The following SLC24A2 variants were observed in gnomAD, a reference collection of about 807,000 sequenced individuals.
The protein encoded by SLC24A2 is sodium/potassium/calcium exchanger 2.
In SLC24A2, 36 loss-of-function variants were observed where a neutral mutation model predicts 62.0. That is an observed-to-expected ratio of 0.58 (90% CI 0.44 to 0.77). The LOEUF is 0.77. Among genes scored for constraint, SLC24A2 ranks in the 30% least tolerant of loss-of-function variants. SLC24A2 has a pLI of 0.00. For missense variants in SLC24A2, 846 were observed against 817.9 expected, an observed-to-expected ratio of 1.03 and a Z score of -0.42; for synonymous variants, 358 against 294.0, an observed-to-expected ratio of 1.22 and a Z score of -2.23.
chr9:20,012,241 G>C, the SLC24A2 span, among the ~76,000 whole-genome samples: 1 of 152,188 alleles, frequency 6.6e-6, no homozygotes, highest in East Asian at 1.9e-4. Flanking sequence ...GTTCCAGGTG[G>C]CTGGGGAGGC....
At chr9:19,983,502 G>T in the SLC24A2 span, among the ~76,000 whole-genome samples, 2 of 152,106 alleles carry the variant, frequency 1.3e-5, no homozygotes, top group Non-Finnish European at 2.9e-5. Flanking sequence ...AATTACCCGG[G>T]CATGGTGGCA....
chr9:20,227,834 C>A, the SLC24A2 span, among the ~76,000 whole-genome samples: 1 of 152,118 alleles, frequency 6.6e-6, no homozygotes. Context: ...CAACAACTAC[C>A]AGTAATATTC....
At chr9:20,138,102 A>C in the SLC24A2 span, among the ~76,000 whole-genome samples, 1 of 152,132 alleles carries the variant, frequency 6.6e-6, no homozygotes, top group East Asian at 1.9e-4. Flanking sequence ...TAGAAAACCA[A>C]GGTAACTTTT....
chr9:19,716,150 T>A (rs932581538), intron 2 of SLC24A2, among the ~76,000 whole-genome samples: 1 of 152,146 alleles, frequency 6.6e-6, no homozygotes, highest in East Asian at 1.9e-4. Context: ...AGTCACTCTA[T>A]GTTTTCTTTC....
chr9:19,599,142 T>C lies in SLC24A2; in HGVS notation c.1079-1863A>G, dbSNP rs145984809. 1.5e-4 allele frequency among the ~76,000 whole-genome samples: 23 copies of C among 152,366 alleles called. No homozygotes were observed. The highest frequency in any genetic ancestry group is 1.0e-3 in the Admixed American group (16 of 15,306). ...TCAAATATCTGCTTGTGGCAGATGA[T>C]ATTACTCCTCACCTCATCTCTTGCA... On this transcript the variant is annotated intron_variant, in intron 4 of 10. Transcript: ENST00000341998. This position sits in a 1 kb window ranked among gnomAD's most constrained non-coding sequence, Gnocchi z 4.5.
At chr9:19,727,102 G>A (rs891742995) in intron 2 of SLC24A2, among the ~76,000 whole-genome samples, 53 of 152,078 alleles carry the variant, frequency 3.5e-4, no homozygotes, top group African/African-American at 1.2e-3. Flanking sequence ...TTATTTATCA[G>A]GAAAGAAAAG....
chr9:19,776,716 G>C (rs539675106), intron 2 of SLC24A2, among the ~76,000 whole-genome samples: 1 of 152,204 alleles, frequency 6.6e-6, no homozygotes, highest in African/African-American at 2.4e-5. Context: ...CTACATGTAA[G>C]TCAGTTAAGA....
chr9:20,147,210 G>A, the SLC24A2 span, among the ~76,000 whole-genome samples: 1 of 152,098 alleles, frequency 6.6e-6, no homozygotes, highest in Non-Finnish European at 1.5e-5. Flanking sequence ...GTATTGCCTG[G>A]AGAAAGGTTA....
chr9:19,925,716 T>A, the SLC24A2 span, among the ~76,000 whole-genome samples: 1 of 152,020 alleles, frequency 6.6e-6, no homozygotes, highest in African/African-American at 2.4e-5. Context: ...GGGAGTGGAG[T>A]CTAGACAAGG....
chr9:20,056,308 T>C, the SLC24A2 span, among the ~76,000 whole-genome samples: 7 of 152,156 alleles, frequency 4.6e-5, no homozygotes, highest in Non-Finnish European at 7.3e-5. Flanking sequence ...TAAATGACTA[T>C]ATTTTTCAGA....
intron 7 of SLC24A2, among the ~76,000 whole-genome samples, chr9:19,554,268 C>A (rs1834976741): frequency 6.6e-6 from 1 of 152,118 alleles, no homozygotes; most frequent in African/African-American, 2.4e-5. Context: ...CTTCTAGCGT[C>A]CAGAACTGTG....
At chr9:20,217,318 G>A in the SLC24A2 span, among the ~76,000 whole-genome samples, 2 of 152,192 alleles carry the variant, frequency 1.3e-5, no homozygotes, top group African/African-American at 4.8e-5. Context: ...CAGGGGATGA[G>A]TAGTGATCAG....
chr9:20,077,403 T>G, the SLC24A2 span, among the ~76,000 whole-genome samples: 1 of 152,212 alleles, frequency 6.6e-6, no homozygotes, highest in South Asian at 2.1e-4. Context: ...TTCATAAACC[T>G]CAAATATACA....
At chr9:19,687,432 G>A (rs983595423) in intron 2 of SLC24A2, among the ~76,000 whole-genome samples, 4 of 152,036 alleles carry the variant, frequency 2.6e-5, no homozygotes, top group Admixed American at 6.6e-5. Flanking sequence ...TGATAGACTC[G>A]AAGGTGAAAT....
chr9:19,619,534 G>T, intron 4 of SLC24A2, 50 bp downstream of exon 4: 1 of 1,368,050 alleles, frequency 7.3e-7, no homozygotes, highest in Non-Finnish European at 1.0e-6. Context: ...GAAGCCTTTT[G>T]GCATCCTTTT....
the SLC24A2 span, among the ~76,000 whole-genome samples, chr9:20,080,235 G>C: frequency 6.6e-6 from 1 of 152,172 alleles, no homozygotes; most frequent in Non-Finnish European, 1.5e-5. Flanking sequence ...TATACTACAA[G>C]GCTACAGTAA....
At chr9:20,238,099 A>G in the SLC24A2 span, among the ~76,000 whole-genome samples, 1 of 152,184 alleles carries the variant, frequency 6.6e-6, no homozygotes, top group African/African-American at 2.4e-5. Flanking sequence ...GGTCCAGCTG[A>G]GCCTCCACAG....
At position 19,786,273 on chromosome 9, in the gene SLC24A2, G is replaced by A. The variant is rs758224147; in HGVS notation, c.594C>T (p.Ile198=). The A allele has an allele frequency of 8.7e-6, 14 of 1,614,110 alleles. No individual in the cohort carries two copies. The highest frequency in any genetic ancestry group is 2.2e-5 in the South Asian group (2 of 91,076). Residue 198 remains isoleucine, a synonymous_variant, in exon 2 of 11, where the codon ATC becomes ATT. Transcript: ENST00000341998. The surrounding 1 kb of genome is among the most constrained non-coding windows in gnomAD (Gnocchi z 5.0). ...TGCCTATGCCAACGTTGCTGTGAGC[G>A]ATAAATACCCCTATGAGAGATGTGA... ...ELFTSLIGVF[I]AHSNVGIGTI...
At chr9:19,617,987 T>C (rs1157227016) in intron 4 of SLC24A2, among the ~76,000 whole-genome samples, 2 of 152,194 alleles carry the variant, frequency 1.3e-5, no homozygotes, top group Non-Finnish European at 2.9e-5. Context: ...GGGAGAGCAG[T>C]AGATACATTT....
Sources: gnomAD v4.1 joint callset for allele counts (sites outside exome capture counted in the v4.1 genomes callset) on GRCh38, gnomAD v4.1.1 for gene constraint, Gnocchi (gnomAD v3.1) non-coding constraint, MANE v1.5 for transcripts, NCBI Gene and HGNC (gene_info 2026-07-23, HGNC 2026-07-21) for gene names.